Variants in FRMD5 observed in about 807,000 individuals in gnomAD.
FRMD5 encodes the protein FERM domain-containing protein 5.
In FRMD5, 20 loss-of-function variants were observed where a neutral mutation model predicts 69.0. The observed-to-expected ratio is 0.29, with a 90% confidence interval of 0.20 to 0.42. FRMD5 has a LOEUF of 0.42. Ranked by LOEUF, FRMD5 falls within the 10% of genes least tolerant of loss-of-function variation. The pLI, the probability that FRMD5 is intolerant of heterozygous loss-of-function variation, is 1.00. For synonymous variants in FRMD5, 271 were observed against 260.1 expected (o/e 1.04, Z -0.40); for missense variants, 595 against 708.6 (o/e 0.84, Z 1.82).
chr15:44,176,841 C>A (rs1391163510), intron 1 of FRMD5, among the ~76,000 whole-genome samples: 2 of 151,822 alleles, frequency 1.3e-5, no homozygotes, highest in Non-Finnish European at 2.9e-5. Context: ...CTCCTTCACA[C>A]CCATTAGAAT....
At chr15:43,886,212 C>T (rs2088660008) in intron 10 of FRMD5, among the ~76,000 whole-genome samples, 3 of 152,110 alleles carry the variant, frequency 2.0e-5, no homozygotes, top group Middle Eastern at 3.4e-3. Context: ...CTTTCCAGTC[C>T]CAGTATTTGA....
At chr15:43,879,473 C>G (rs561633535) in intron 13 of FRMD5, 8 of 399,026 alleles carry the variant, frequency 2.0e-5, no homozygotes, top group African/African-American at 1.4e-4. Flanking sequence ...CTAACTGGCA[C>G]AGCAAAACAG....
intron 1 of FRMD5, among the ~76,000 whole-genome samples, chr15:43,965,619 T>G (rs1231140524): frequency 1.3e-5 from 2 of 150,884 alleles, no homozygotes; most frequent in Non-Finnish European, 3.0e-5. Context: ...TTCACTCTTG[T>G]TGCCCAGGCT....
intron 1 of FRMD5, among the ~76,000 whole-genome samples, chr15:43,980,451 C>G (rs2090530951): frequency 6.6e-6 from 1 of 152,158 alleles, no homozygotes; most frequent in Non-Finnish European, 1.5e-5. Context: ...CCTTATTTAC[C>G]TCCTAAAGTC....
At chr15:43,951,441 G>T (rs1176230332) in intron 1 of FRMD5, among the ~76,000 whole-genome samples, 1 of 149,556 alleles carries the variant, frequency 6.7e-6, no homozygotes, top group South Asian at 2.1e-4. Flanking sequence ...AAAAAGAAAA[G>T]AAAATATATA....
intron 1 of FRMD5, among the ~76,000 whole-genome samples, chr15:43,936,910 G>A (rs1311154130): frequency 6.6e-6 from 1 of 151,910 alleles, no homozygotes; most frequent in South Asian, 2.1e-4. Context: ...CAGGAAGATC[G>A]CTAACTGGGT....
chr15:43,878,505 T>C (rs990829074), intron 13 of FRMD5, among the ~76,000 whole-genome samples: 4 of 152,254 alleles, frequency 2.6e-5, no homozygotes, highest in South Asian at 2.1e-4. Flanking sequence ...GCTGTTCCTC[T>C]GATCTCTCTT....
chr15:44,163,342 G>A (rs2077655264), intron 1 of FRMD5, among the ~76,000 whole-genome samples: 1 of 152,102 alleles, frequency 6.6e-6, no homozygotes. Flanking sequence ...CTCTTCAAGG[G>A]CAGAGAATAG....
chr15:43,983,136 G>C (rs900760264), intron 1 of FRMD5, among the ~76,000 whole-genome samples: 1 of 152,170 alleles, frequency 6.6e-6, no homozygotes, highest in Non-Finnish European at 1.5e-5. Flanking sequence ...TCACTGTGTT[G>C]GTCAGACTGG....
intron 1 of FRMD5, among the ~76,000 whole-genome samples, chr15:44,151,354 G>A (rs1359417394): frequency 2.0e-5 from 3 of 146,368 alleles, no homozygotes; most frequent in Non-Finnish European, 3.0e-5. Context: ...CCAAGATCGC[G>A]CCACTGCACT....
intron 1 of FRMD5, among the ~76,000 whole-genome samples, chr15:44,061,261 T>A (rs963316768): frequency 4.6e-5 from 7 of 152,250 alleles, no homozygotes; most frequent in African/African-American, 1.7e-4. Flanking sequence ...TCATAGTTAC[T>A]TAACTCTGAC....
At position 44,154,477 on chromosome 15, in the gene FRMD5, G is replaced by A. The variant is rs116190037; in HGVS notation, c.102+40476C>T. On this transcript the variant is annotated intron_variant, in intron 1 of 13. Transcript: ENST00000417257. ...TTGAGGGCACCAAAGCTTTTACTTTGGGATTAATTTGGTTTTTAATCCTAT... is the reference window on the plus strand; with the variant it reads ...TTGAGGGCACCAAAGCTTTTACTTTAGGATTAATTTGGTTTTTAATCCTAT... Among the ~76,000 whole-genome samples, 112 of 152,104 alleles carry A rather than the reference G, an allele frequency of 7.4e-4. 1 individual carries two copies. The Middle Eastern group carries it at 0.014, about 18-fold the overall frequency.
At chr15:44,127,946 G>A (rs2077045624) in intron 1 of FRMD5, among the ~76,000 whole-genome samples, 1 of 152,146 alleles carries the variant, frequency 6.6e-6, no homozygotes. Context: ...ACGTGAAGGA[G>A]GCAGCTGTAG....
intron 13 of FRMD5, chr15:43,879,560 G>A (rs1433126947): frequency 2.5e-6 from 1 of 399,040 alleles, no homozygotes. Flanking sequence ...CCCTACCCTG[G>A]AGCCGGGGCC....
intron 1 of FRMD5, among the ~76,000 whole-genome samples, chr15:44,114,397 G>A (rs1452656920): frequency 6.6e-6 from 1 of 152,128 alleles, no homozygotes. Context: ...TGTTCACCAA[G>A]CCACTTTCTG....
At chr15:43,989,422 A>G in intron 1 of FRMD5, 1 of 788,814 alleles carries the variant, frequency 1.3e-6, no homozygotes, top group Non-Finnish European at 2.3e-6. Context: ...AGGGCAGCAG[A>G]ACTGCTTTTG....
intron 1 of FRMD5, among the ~76,000 whole-genome samples, chr15:43,954,082 G>C (rs1318755863): frequency 6.6e-6 from 1 of 152,198 alleles, no homozygotes; most frequent in Admixed American, 6.5e-5. Flanking sequence ...AGCTGCACGT[G>C]AGGGAAAGCA....
At chr15:43,935,085 A>G (rs558256898) in intron 1 of FRMD5, among the ~76,000 whole-genome samples, 41 of 152,350 alleles carry the variant, frequency 2.7e-4, no homozygotes, top group African/African-American at 9.6e-4. Flanking sequence ...ATGTGCTTTC[A>G]GACAAGTACC....
chr15:44,030,468 T>C (rs1408942414), intron 1 of FRMD5, among the ~76,000 whole-genome samples: 1 of 152,232 alleles, frequency 6.6e-6, no homozygotes, highest in African/African-American at 2.4e-5. Context: ...CACTACTTTA[T>C]GTGTTAATGA....
Sources: gnomAD v4.1 joint callset for allele counts (sites outside exome capture counted in the v4.1 genomes callset) on GRCh38, gnomAD v4.1.1 for gene constraint, MANE v1.5 for transcripts, NCBI Gene and HGNC (gene_info 2026-07-23, HGNC 2026-07-21) for gene names.